The following RBM20 variants were observed in gnomAD, a reference collection of about 807,000 sequenced individuals.
RBM20 encodes RNA-binding protein 20.
In RBM20, 51 loss-of-function variants were observed where a neutral mutation model predicts 110.1. The ratio of observed to expected loss-of-function variants is 0.46; its 90% CI spans 0.37 to 0.59. The LOEUF (loss-of-function observed/expected upper bound fraction) is 0.59. Ranked by LOEUF, RBM20 falls within the 20% of genes least tolerant of loss-of-function variation. The pLI, the probability that RBM20 is intolerant of heterozygous loss-of-function variation, is 0.00. For missense variants in RBM20, 1,512 were observed against 1,574.9 expected, an observed-to-expected ratio of 0.96 and a Z score of 0.68; for synonymous variants, 589 against 618.2, an observed-to-expected ratio of 0.95 and a Z score of 0.70.
chr10:110,761,494 G>T (rs1844003026), intron 1 of RBM20, among the ~76,000 whole-genome samples: 1 of 152,288 alleles, frequency 6.6e-6, no homozygotes, highest in Non-Finnish European at 1.5e-5. Context: ...CTGTGTACTT[G>T]GCACTTGGGC....
At chr10:110,645,564 T>C (rs1861857230) in intron 1 of RBM20, among the ~76,000 whole-genome samples, 1 of 152,256 alleles carries the variant, frequency 6.6e-6, no homozygotes, top group African/African-American at 2.4e-5. Context: ...TTTACCCTTA[T>C]GGAACACAGC....
At chr10:110,755,305 G>A (rs1456450089) in intron 1 of RBM20, among the ~76,000 whole-genome samples, 1 of 152,114 alleles carries the variant, frequency 6.6e-6, no homozygotes, top group Admixed American at 6.5e-5. Flanking sequence ...TTACCCCTTT[G>A]ATGTCTGCAA....
At chr10:110,803,812 C>CAAAAAAAAA (rs58202648) in intron 7 of RBM20, among the ~76,000 whole-genome samples, 1 of 57,166 alleles carries the variant, frequency 1.7e-5, no homozygotes, top group African/African-American at 7.2e-5. Context: ...TTGGCTTAAG[C>CAAAAAAAAA]AAAAAAAAAA....
chr10:110,806,242 T>C (rs993038009), intron 7 of RBM20, among the ~76,000 whole-genome samples: 17 of 147,156 alleles, frequency 1.2e-4, no homozygotes, highest in Middle Eastern at 3.6e-3. Flanking sequence ...CACTCCAGCC[T>C]GGGACACAGT....
chr10:110,676,804 C>A (rs573500867), intron 1 of RBM20, among the ~76,000 whole-genome samples: 1 of 152,014 alleles, frequency 6.6e-6, no homozygotes, highest in South Asian at 2.1e-4. Flanking sequence ...TTTTTTGCTT[C>A]AAATCCAATA....
At chr10:110,831,682 A>ACAAAC (rs1554844421) in intron 13 of RBM20, among the ~76,000 whole-genome samples, 3 of 136,472 alleles carry the variant, frequency 2.2e-5, no homozygotes, top group Admixed American at 7.7e-5. Flanking sequence ...AAAAAAAAAA[A>ACAAAC]AAAAAAAAAC....
chr10:110,780,736 A>C, intron 1 of RBM20, 65 bp from the exon 2 acceptor site: 1 of 1,452,056 alleles, frequency 6.9e-7, no homozygotes, highest in Non-Finnish European at 9.1e-7. Context: ...ACAGATAACA[A>C]AGAACAGCCC....
At chr10:110,778,957 C>T (rs1352153817) in intron 1 of RBM20, among the ~76,000 whole-genome samples, 1 of 152,230 alleles carries the variant, frequency 6.6e-6, no homozygotes, top group East Asian at 1.9e-4. Flanking sequence ...TTGTCCCCTA[C>T]CTCAAATTCA....
intron 1 of RBM20, among the ~76,000 whole-genome samples, chr10:110,719,002 GT>G (rs1429324529): frequency 6.6e-6 from 1 of 152,160 alleles, no homozygotes; most frequent in East Asian, 1.9e-4. Flanking sequence ...TGGACATTGA[GT>G]TATTATTGTC....
At chr10:110,828,095 G>T (rs1475406982) in intron 12 of RBM20, among the ~76,000 whole-genome samples, 1 of 152,216 alleles carries the variant, frequency 6.6e-6, no homozygotes, top group Non-Finnish European at 1.5e-5. Context: ...AGCATCGCCT[G>T]CAAAGTGCAA....
chr10:110,703,415 A>G (rs1013753770), intron 1 of RBM20, among the ~76,000 whole-genome samples: 1 of 151,990 alleles, frequency 6.6e-6, no homozygotes, highest in African/African-American at 2.4e-5. Context: ...AAGAATTTAG[A>G]ATGTATCAGT....
intron 11 of RBM20, among the ~76,000 whole-genome samples, chr10:110,822,645 G>A (rs1844929837): frequency 6.6e-6 from 1 of 152,154 alleles, no homozygotes; most frequent in African/African-American, 2.4e-5. Context: ...AATAATTAGG[G>A]ATTTGCTTTA....
At chr10:110,703,024 A>G (rs1415279245) in intron 1 of RBM20, among the ~76,000 whole-genome samples, 12 of 125,736 alleles carry the variant, frequency 9.5e-5, no homozygotes, top group Admixed American at 8.2e-4. Flanking sequence ...TGGTTGGCTT[A>G]ATACCTTTCT....
At position 110,818,683 on chromosome 10, in the gene RBM20, C is replaced by T. The variant is rs768278265; in HGVS notation, c.2551-1389C>T. 3.3e-5 allele frequency among the ~76,000 whole-genome samples: 5 copies of T among 152,250 alleles called. No homozygotes were observed. In the East Asian group the frequency reaches 9.6e-4, roughly 29 times the overall value. ...CTTTCAGCCCGGCTAGCAAGACTGT[C>T]CCTGCCTCTCCCAACTCGAACTGAA... On this transcript the variant is annotated intron_variant, in intron 9 of 13. Transcript: ENST00000369519.
chr10:110,772,584 A>C (rs1237456174), intron 1 of RBM20, among the ~76,000 whole-genome samples: 1 of 152,214 alleles, frequency 6.6e-6, no homozygotes, highest in Non-Finnish European at 1.5e-5. Context: ...ATGCTGTGCA[A>C]GTTTGTAGCC....
intron 1 of RBM20, among the ~76,000 whole-genome samples, chr10:110,746,297 C>T (rs1843779716): frequency 1.3e-5 from 2 of 152,270 alleles, no homozygotes; most frequent in South Asian, 4.2e-4. Context: ...AAGTCAAGAG[C>T]CCAGCCCAGA....
chr10:110,738,807 T>A (rs776403540), intron 1 of RBM20, among the ~76,000 whole-genome samples: 1 of 151,858 alleles, frequency 6.6e-6, no homozygotes. Flanking sequence ...GGAATGGGGA[T>A]AGAGGAGGTG....
chr10:110,834,901 T>A (rs891461709), intron 13 of RBM20, among the ~76,000 whole-genome samples: 2 of 152,178 alleles, frequency 1.3e-5, no homozygotes, highest in Admixed American at 6.5e-5. Flanking sequence ...ACCTGCCTCA[T>A]GGTGTTGGGC....
chr10:110,814,168 AAG>A (rs1844810913), intron 9 of RBM20, among the ~76,000 whole-genome samples: 1 of 152,234 alleles, frequency 6.6e-6, no homozygotes, highest in Non-Finnish European at 1.5e-5. Flanking sequence ...ATGAACACTG[AAG>A]AGTCACCTTT....
Sources: gnomAD v4.1 joint callset for allele counts (sites outside exome capture counted in the v4.1 genomes callset) on GRCh38, gnomAD v4.1.1 for gene constraint, MANE v1.5 for transcripts, NCBI Gene and HGNC (gene_info 2026-07-23, HGNC 2026-07-21) for gene names.